The following SLFN14 variants were observed in gnomAD, a reference collection of about 807,000 sequenced individuals.
SLFN14 encodes the protein schlafen family member 14.
In SLFN14, 47 loss-of-function variants were observed where a neutral mutation model predicts 58.6. The ratio of observed to expected loss-of-function variants is 0.80; its 90% CI spans 0.64 to 1.02. SLFN14 has a LOEUF of 1.02. Ranked by LOEUF, SLFN14 falls within the 50% of genes least tolerant of loss-of-function variation. The probability of loss-of-function intolerance (pLI) is 0.00; values close to 1 mark genes in which losing one functional copy is unlikely to be tolerated. For missense variants in SLFN14, 967 were observed against 1,078.4 expected, an observed-to-expected ratio of 0.90 and a Z score of 1.45; for synonymous variants, 390 against 387.3, an observed-to-expected ratio of 1.01 and a Z score of -0.08.
At chr17:35,556,355 T>C (rs2072652607) in intron 3 of SLFN14, among the ~76,000 whole-genome samples, 1 of 152,236 alleles carries the variant, frequency 6.6e-6, no homozygotes, top group South Asian at 2.1e-4. Context: ...TTCTCTAGAA[T>C]ATCATCTCTA....
At position 35,547,027 on chromosome 17, in the gene SLFN14, C is replaced by A. The variant is rs1460337952; in HGVS notation, c.*1212G>T. 2.0e-5 allele frequency among the ~76,000 whole-genome samples: 3 copies of A among 152,192 alleles called. No homozygotes were observed. In the South Asian group the frequency reaches 6.2e-4, roughly 32 times the overall value. On this transcript the variant is annotated 3_prime_UTR_variant, in exon 6 of 6. Transcript: ENST00000674182. ...CCTTGTAGGAAGACTACTTTCCAGG[C>A]CAGCGGCAGAGTATAAGGCATTTCT...
chr17:35,550,203 A>G lies in SLFN14; in HGVS notation c.1905-1130T>C, dbSNP rs139035488. Among the ~76,000 whole-genome samples, 316 of 152,252 alleles carry G rather than the reference A, an allele frequency of 2.1e-3. 1 individual carries two copies. Among genetic ancestry groups the G allele is most frequent in the African/African-American group, 7.3e-3 (304 of 41,556 alleles). On this transcript the variant is annotated intron_variant, in intron 5 of 5. Coordinates refer to ENST00000674182, the MANE Select transcript of SLFN14 (RefSeq NM_001129820.2). ...TGCTGACTTCTTAACAGTGTGCCCA[A>G]TGGTCTCCTTCACTGGGGAATATTT...
rs149887407 is a variant in SLFN14, at chr17:35,552,118, T to C, written c.1904+612A>G. ...ACCCCTGGACCGGCCTGCTAGCCCA[T>C]GCTCCAATGTTAATGACATCAAAGG... On this transcript the variant is annotated intron_variant, in intron 5 of 5. Transcript: ENST00000674182. 3.7e-3 allele frequency among the ~76,000 whole-genome samples: 561 copies of C among 152,270 alleles called. 2 individuals are homozygous for C. Among genetic ancestry groups the C allele is most frequent in the African/African-American group, 0.013 (542 of 41,554 alleles).
At chr17:35,550,328 C>T (rs321603) in intron 5 of SLFN14, among the ~76,000 whole-genome samples, 97,986 of 152,060 alleles carry the variant, frequency 0.64, 31,710 homozygotes, top group East Asian at 0.71. Context: ...GGCGGATCAC[C>T]TGAGGTCAGG....
Position 35,548,907 on chromosome 17 carries a change from TTCCAGTCC to T in SLFN14, c.2063_2070del (p.Gly688GlufsTer2). The T allele has an allele frequency of 1.3e-6, 2 of 1,551,722 alleles. No homozygotes were observed. The highest frequency in any genetic ancestry group is 4.9e-5 in the East Asian group (2 of 40,928). On this transcript the variant is annotated frameshift_variant, in exon 6 of 6. Coordinates refer to ENST00000674182, the MANE Select transcript of SLFN14 (RefSeq NM_001129820.2). LOFTEE classifies it low-confidence loss of function (END_TRUNC). ...AGAATCCCATGGTGAAGGTTTTCAC[TTCCAGTCC>T]CCTTCGCCTTTGGATGGGTGATGTT...
At chr17:35,556,402 C>T (rs2142210095) in intron 3 of SLFN14, among the ~76,000 whole-genome samples, 1 of 152,250 alleles carries the variant, frequency 6.6e-6, no homozygotes, top group South Asian at 2.1e-4. Flanking sequence ...GGATGATCAG[C>T]CTGCACAATT....
At position 35,554,698 on chromosome 17, in the gene SLFN14, G is replaced by A; in HGVS notation, c.1067C>T (p.Pro356Leu). Reference protein sequence around the residue: ...VMMLDTQSAPPSLVTDYNSCL... With the variant: ...VMMLDTQSAPLSLVTDYNSCL... ...AGAGTTGTAGTCTGTGACCAAACTGGGAGGAGCTAGACAATTACATGGAAA... is the reference window on the plus strand; with the variant it reads ...AGAGTTGTAGTCTGTGACCAAACTGAGAGGAGCTAGACAATTACATGGAAA... Residue 356 changes from proline (P) to leucine (L), a missense_variant, in exon 4 of 6, where the codon CCC becomes CTC. Pro to Leu is a moderately conservative substitution (Grantham distance 98). Transcript: ENST00000674182. 6.9e-7 allele frequency: 1 copy of A among 1,445,558 alleles called. No individual in the cohort carries two copies. 89.5% of individuals were successfully genotyped at this position (1,445,558 alleles called of 1,614,324 possible). A position where few individuals can be genotyped will look rare whatever the true frequency, so the allele number is the denominator to read the frequency against.
rs2072548126 is a variant in SLFN14 at position 35,548,082 on chromosome 17, G to A, written c.*157C>T. The stretch of plus-strand genomic sequence containing the variant: ...TGAAAAGGCCAGTGGCATTGAAATA[G>A]AGTGGAAGGCTCAGCTCCAAGAGAC... On this transcript the variant is annotated 3_prime_UTR_variant, in exon 6 of 6. Coordinates refer to ENST00000674182, the MANE Select transcript of SLFN14 (RefSeq NM_001129820.2). The A allele has an allele frequency of 4.3e-6, 3 of 704,126 alleles. No individual in the cohort carries two copies. The highest frequency in any genetic ancestry group is 6.9e-6 in the Non-Finnish European group (3 of 432,208). The allele number at this position is 704,126 out of a possible 1,614,324, so 43.6% of individuals were successfully genotyped here.
Position 35,557,339 on chromosome 17 carries a change from A to G in SLFN14, c.724T>C (p.Tyr242His), listed in dbSNP as rs2072661958. The change falls in exon 3 of 6, where the codon TAT becomes CAT. Residue 242 changes from tyrosine (Y) to histidine (H), a missense_variant. Coordinates refer to ENST00000674182, the MANE Select transcript of SLFN14 (RefSeq NM_001129820.2). ...VSAFANTQGG[Y>H]VLIGVDDKSK... ...TTATCATCCACCCCAATGAGGACAT[A>G]TCCCCCTTGAGTGTTGGCAAATGCA... 1 of 1,551,710 alleles carries G rather than the reference A, an allele frequency of 6.4e-7. No homozygotes were observed.
intron 2 of SLFN14, 70 bp from the exon 3 acceptor site, chr17:35,558,176 A>G: frequency 1.1e-6 from 1 of 872,406 alleles, no homozygotes; most frequent in East Asian, 2.7e-5. Context: ...TTTCTTCAAA[A>G]CTATCAATTA....
intron 1 of SLFN14, among the ~76,000 whole-genome samples, chr17:35,560,328 C>CT (rs942266485): frequency 8.5e-5 from 13 of 152,150 alleles, no homozygotes; most frequent in African/African-American, 1.7e-4. Flanking sequence ...TTTCCCAGGA[C>CT]TTTTTTTTCT....
In SLFN14 at chr17:35,548,431, A is replaced by G. The variant is rs1258700344; in HGVS notation, c.2547T>C (p.Phe849=). The G allele has an allele frequency of 1.9e-6, 3 of 1,551,734 alleles. No individual in the cohort carries two copies. In the South Asian group the frequency reaches 3.6e-5, roughly 18 times the overall value. The stretch of plus-strand genomic sequence containing the variant: ...TTCCCCAAACACCGGTGGCCGGGCT[A>G]AACACAACCTCTGATGGTCTGTGGG... ...IETHRPSEVV[F]SPATGVWGSH... is the part of the protein sequence containing the mutation. The change falls in exon 6 of 6, where the codon TTT becomes TTC. Residue 849 remains phenylalanine (F), a synonymous_variant. Coordinates refer to ENST00000674182, the MANE Select transcript of SLFN14 (RefSeq NM_001129820.2).
chr17:35,549,717 T>A (rs1172314176), intron 5 of SLFN14, among the ~76,000 whole-genome samples: 3 of 152,240 alleles, frequency 2.0e-5, no homozygotes, highest in Admixed American at 6.5e-5. Context: ...GGTTGTTTTT[T>A]GCCTCCTTTA....
intron 5 of SLFN14, among the ~76,000 whole-genome samples, chr17:35,551,275 T>G (rs78427228): frequency 0.086 from 13,022 of 152,196 alleles, 793 homozygotes; most frequent in Non-Finnish European, 0.13. Flanking sequence ...AAATATATTT[T>G]TGTGTGTGTG....
intron 3 of SLFN14, 98 bp from the exon 4 acceptor site, chr17:35,554,802 G>T: frequency 9.4e-7 from 1 of 1,066,998 alleles, no homozygotes; most frequent in Non-Finnish European, 1.2e-6. Flanking sequence ...CTGGAGACCT[G>T]TGATGTGCAT....
At position 35,557,183 on chromosome 17, in the gene SLFN14, T is replaced by C. The variant is rs1299408239; in HGVS notation, c.880A>G (p.Thr294Ala). Residue 294 changes from threonine to alanine, a missense_variant, in exon 3 of 6, where the codon ACA (threonine) becomes GCA (alanine). By Grantham distance (58) the Thr-to-Ala change is moderately conservative. Coordinates refer to ENST00000674182, the MANE Select transcript of SLFN14 (RefSeq NM_001129820.2). ...TTTTGGTACACATTCAGGATTTTTGTAGTGAAATTTACCTTTGGCTTCTCA... is the reference window on the plus strand; with the variant it reads ...TTTTGGTACACATTCAGGATTTTTGCAGTGAAATTTACCTTTGGCTTCTCA... ...CCEKPKVNFT[T>A]KILNVYQKDV... is the part of the protein sequence containing the mutation. 3.9e-6 allele frequency: 6 copies of C among 1,551,734 alleles called. No individual in the cohort carries two copies. Among genetic ancestry groups the C allele is most frequent in the East Asian group, 2.4e-5 (1 of 40,920 alleles).
chr17:35,557,082 A>G lies in SLFN14; in HGVS notation c.981T>C (p.Asp327=). 1 of 1,551,664 alleles carries G rather than the reference A, an allele frequency of 6.4e-7. No individual in the cohort carries two copies. Among genetic ancestry groups the G allele is most frequent in the Non-Finnish European group, 8.7e-7 (1 of 1,146,978 alleles). The part of the protein sequence containing the change: ...FCCVVFAEAP[D]SWIMKDNSVT... ...CAGAATTGTCTTTCATGATCCAGGA[A>G]TCTGGGGCCTCTGCAAACACCACGC... The change falls in exon 3 of 6, where the codon GAT becomes GAC. Residue 327 remains aspartate (D), a synonymous_variant. Transcript: ENST00000674182.
At position 35,553,063 on chromosome 17, in the gene SLFN14, T is replaced by A; in HGVS notation, c.1571A>T (p.Glu524Val). Residue 524 changes from glutamate to valine, a missense_variant, in exon 5 of 6, where the codon GAG becomes GTG. Coordinates refer to ENST00000674182, the MANE Select transcript of SLFN14 (RefSeq NM_001129820.2). ...HLSSTQSRPG[E>V]IPLRYPRSYR... Reference sequence around the variant, plus strand: ...GGACCTGGGGTAACGCAGGGGGATCTCACCAGGTCTACTCTGTGTGCTGCT... The same window carrying A: ...GGACCTGGGGTAACGCAGGGGGATCACACCAGGTCTACTCTGTGTGCTGCT... The A allele has an allele frequency of 1.3e-6, 2 of 1,551,660 alleles. No homozygotes were observed. Among genetic ancestry groups the A allele is most frequent in the Non-Finnish European group, 1.7e-6 (2 of 1,146,974 alleles).
intron 2 of SLFN14, 48 bp from the exon 3 acceptor site, chr17:35,558,154 A>C: frequency 8.8e-7 from 1 of 1,142,696 alleles, no homozygotes; most frequent in Non-Finnish European, 1.2e-6. Flanking sequence ...AGAATTCCAA[A>C]GATTACAATA....
Sources: gnomAD v4.1 joint callset for allele counts (sites outside exome capture counted in the v4.1 genomes callset) on GRCh38, gnomAD v4.1.1 for gene constraint, MANE v1.5 for transcripts, NCBI Gene and HGNC (gene_info 2026-07-23, HGNC 2026-07-21) for gene names.